Variants in PTPRJ observed in about 807,000 individuals in gnomAD.
PTPRJ encodes protein tyrosine phosphatase receptor type J.
In PTPRJ, 129 loss-of-function variants were observed where a neutral mutation model predicts 141.3. The ratio of observed to expected loss-of-function variants is 0.91; its 90% CI spans 0.79 to 1.06. The LOEUF (loss-of-function observed/expected upper bound fraction) is 1.06. PTPRJ is among the 50% of genes least tolerant of loss of function. The probability of loss-of-function intolerance (pLI) is 0.00; values close to 1 mark genes in which losing one functional copy is unlikely to be tolerated. For synonymous variants in PTPRJ, 610 were observed against 640.5 expected (o/e 0.95, Z 0.72); for missense variants, 1,601 against 1,679.7 (o/e 0.95, Z 0.82).
intron 1 of PTPRJ, among the ~76,000 whole-genome samples, chr11:48,098,911 C>G (rs1054782672): frequency 5.3e-5 from 8 of 152,216 alleles, no homozygotes; most frequent in Admixed American, 4.6e-4. Context: ...GATTGAGACC[C>G]TGTGTTCTTA....
intron 21 of PTPRJ, among the ~76,000 whole-genome samples, chr11:48,159,161 G>GTGTGTGTGTGTGTA (rs60389100): frequency 0.011 from 1,394 of 130,596 alleles, 85 homozygotes; most frequent in East Asian, 0.029. Context: ...GTGTGTGTGT[G>GTGTGTGTGTGTGTA]GTCATTTGCC....
At chr11:48,015,046 G>C (rs913838148) in intron 1 of PTPRJ, among the ~76,000 whole-genome samples, 4 of 152,060 alleles carry the variant, frequency 2.6e-5, no homozygotes, top group African/African-American at 9.7e-5. Flanking sequence ...AGCTCTAGGG[G>C]TCAAGAGACT....
intron 18 of PTPRJ, among the ~76,000 whole-genome samples, chr11:48,152,953 A>G (rs369984144): frequency 1.3e-5 from 2 of 152,156 alleles, no homozygotes; most frequent in Non-Finnish European, 2.9e-5. Flanking sequence ...ACTCATAGGT[A>G]TTGGGGGCGA....
At chr11:48,146,578 T>C (rs1304250029) in intron 14 of PTPRJ, among the ~76,000 whole-genome samples, 3 of 152,174 alleles carry the variant, frequency 2.0e-5, no homozygotes, top group South Asian at 2.1e-4. Context: ...CCAGCCCAGT[T>C]CCCTAAATTT....
chr11:48,137,576 C>G (rs1857135099), intron 10 of PTPRJ, among the ~76,000 whole-genome samples: 1 of 152,096 alleles, frequency 6.6e-6, no homozygotes, highest in South Asian at 2.1e-4. Flanking sequence ...GCCTCAATGA[C>G]AAGGTGACTT....
intron 1 of PTPRJ, among the ~76,000 whole-genome samples, chr11:48,036,531 T>C (rs1373335036): frequency 1.3e-5 from 2 of 152,234 alleles, no homozygotes; most frequent in Non-Finnish European, 2.9e-5. Flanking sequence ...TTTAAAAATT[T>C]TTGAAAAGTG....
At chr11:48,126,446 G>A (rs1856832113) in intron 6 of PTPRJ, among the ~76,000 whole-genome samples, 1 of 151,968 alleles carries the variant, frequency 6.6e-6, no homozygotes, top group African/African-American at 2.4e-5. Flanking sequence ...GTAACAAATG[G>A]CCATGCACTA....
At chr11:48,001,349 AGTGTGT>A (rs57503257) in intron 1 of PTPRJ, among the ~76,000 whole-genome samples, 2,484 of 134,756 alleles carry the variant, frequency 0.018, 23 homozygotes, top group Non-Finnish European at 0.024. Flanking sequence ...ACAGCCCCAA[AGTGTGT>A]GTGTGTGTGT....
chr11:48,056,022 G>A (rs1854743840), intron 1 of PTPRJ, among the ~76,000 whole-genome samples: 1 of 152,230 alleles, frequency 6.6e-6, no homozygotes, highest in African/African-American at 2.4e-5. Context: ...GTGTTCTGGG[G>A]AGGAAGTGGG....
chr11:48,118,733 A>G (rs1444710816), intron 3 of PTPRJ, among the ~76,000 whole-genome samples: 1 of 152,234 alleles, frequency 6.6e-6, no homozygotes, highest in Non-Finnish European at 1.5e-5. Flanking sequence ...CAGAAAAAAC[A>G]TTTGACCAAA....
chr11:48,135,468 C>T (rs1442610858), intron 8 of PTPRJ, among the ~76,000 whole-genome samples: 4 of 142,302 alleles, frequency 2.8e-5, no homozygotes, highest in Non-Finnish European at 4.5e-5. Context: ...TGATCCACCG[C>T]GCCTGGCCTT....
intron 1 of PTPRJ, among the ~76,000 whole-genome samples, chr11:48,099,832 T>C (rs564463757): frequency 2.0e-5 from 3 of 152,314 alleles, no homozygotes; most frequent in Non-Finnish European, 4.4e-5. Context: ...TAGGTTATCA[T>C]TGAAAGAGGA....
chr11:48,165,335 G>C (rs1857892715), intron 24 of PTPRJ, among the ~76,000 whole-genome samples: 1 of 152,136 alleles, frequency 6.6e-6, no homozygotes. Flanking sequence ...GCTACAGAAG[G>C]GTGGCTGACC....
intron 12 of PTPRJ, 45 bp from the exon 13 acceptor site, chr11:48,144,630 C>G (rs1463963493): frequency 6.8e-7 from 1 of 1,477,710 alleles, no homozygotes; most frequent in Non-Finnish European, 9.4e-7. Context: ...AGAAATCTCT[C>G]TGCCATCACT....
At chr11:48,011,967 GT>G in intron 1 of PTPRJ, among the ~76,000 whole-genome samples, 1 of 152,292 alleles carries the variant, frequency 6.6e-6, no homozygotes, top group African/African-American at 2.4e-5. Flanking sequence ...CCCCGCCTCA[GT>G]TTTTAAAAAT....
intron 1 of PTPRJ, among the ~76,000 whole-genome samples, chr11:48,054,817 C>CTTT (rs34013393): frequency 1.4e-5 from 2 of 140,444 alleles, no homozygotes; most frequent in African/African-American, 5.2e-5. Flanking sequence ...TCCTTTCTTT[C>CTTT]TTTTTTTTTT....
intron 11 of PTPRJ, 74 bp downstream of exon 11, chr11:48,139,850 C>CCGCTCCAGG: frequency 2.1e-6 from 3 of 1,440,834 alleles, no homozygotes; most frequent in Non-Finnish European, 2.9e-6. Flanking sequence ...AGTGGGTCTG[C>CCGCTCCAGG]ACGTGTGGAC....
chr11:48,130,192 C>T (rs1363016881), intron 7 of PTPRJ, among the ~76,000 whole-genome samples: 1 of 151,428 alleles, frequency 6.6e-6, no homozygotes, highest in Non-Finnish European at 1.5e-5. Context: ...CCCTTGACCA[C>T]AGGAGCTCAC....
At chr11:48,053,572 TA>T (rs1390645572) in intron 1 of PTPRJ, among the ~76,000 whole-genome samples, 1 of 137,406 alleles carries the variant, frequency 7.3e-6, no homozygotes, top group East Asian at 2.0e-4. Flanking sequence ...TATATATATA[TA>T]AAACTATATA....
Sources: allele counts gnomAD v4.1 joint callset (sites outside exome capture counted in the v4.1 genomes callset), GRCh38; gene constraint gnomAD v4.1.1; transcripts MANE v1.5; gene names NCBI Gene and HGNC (gene_info 2026-07-23, HGNC 2026-07-21).